Variants in MYO1B observed in about 807,000 individuals in gnomAD.
The protein encoded by MYO1B is unconventional myosin-Ib.
MYO1B carries 72 observed loss-of-function variants against 159.7 expected under a neutral mutation model. The ratio of observed to expected loss-of-function variants is 0.45; its 90% CI spans 0.37 to 0.55. MYO1B has a LOEUF of 0.55. Among genes scored for constraint, MYO1B ranks in the 20% least tolerant of loss-of-function variants. MYO1B has a pLI of 0.00. For missense variants in MYO1B, 1,062 were observed against 1,364.8 expected (o/e 0.78, Z 3.50); for synonymous variants, 468 against 473.8 (o/e 0.99, Z 0.16).
chr2:191,286,341 TAAA>T, intron 2 of MYO1B, among the ~76,000 whole-genome samples: 1 of 142,980 alleles, frequency 7.0e-6, no homozygotes, highest in Non-Finnish European at 1.5e-5. Context: ...ACTGTGTCTT[TAAA>T]AAAAAAAAAA....
chr2:191,421,866 C>G (rs758538937), intron 30 of MYO1B, among the ~76,000 whole-genome samples: 41 of 152,162 alleles, frequency 2.7e-4, no homozygotes, highest in Admixed American at 1.4e-3. Flanking sequence ...TTTTGAGACA[C>G]ATACATACAA....
At chr2:191,266,813 C>G (rs769513486) in intron 1 of MYO1B, among the ~76,000 whole-genome samples, 1 of 152,192 alleles carries the variant, frequency 6.6e-6, no homozygotes, top group Non-Finnish European at 1.5e-5. Context: ...GTTGTTATAG[C>G]AGCCGCTGTT....
At chr2:191,414,820 T>G (rs2126179024) in intron 29 of MYO1B, 151 bp downstream of exon 29, 1 of 706,254 alleles carries the variant, frequency 1.4e-6, no homozygotes. Context: ...TCCGACTCAG[T>G]TTTTCAGTAA....
intron 1 of MYO1B, chr2:191,263,067 CCTG>C (rs1686921308): frequency 6.6e-6 from 1 of 152,084 alleles, no homozygotes; most frequent in Non-Finnish European, 1.5e-5. Flanking sequence ...TCTTTCATTG[CCTG>C]CTAAGTACTG....
rs550735341 is a variant in MYO1B at position 191,354,143 on chromosome 2, C to T, written c.562+3918C>T. ...TGGTGGCACACACCTGTAATCCCAG[C>T]CACTCGGGAGGCTGAGGCAGTAGGA... On this transcript the variant is annotated intron_variant, in intron 7 of 30. Coordinates refer to ENST00000392318, the MANE Select transcript of MYO1B (RefSeq NM_001130158.3). Among the ~76,000 whole-genome samples the T allele has an allele frequency of 3.9e-5, 6 of 152,108 alleles. No individual in the cohort carries two copies. The South Asian group carries it at 1.2e-3, about 32-fold the overall frequency.
At chr2:191,395,623 C>A (rs534785833) in intron 20 of MYO1B, among the ~76,000 whole-genome samples, 1 of 152,374 alleles carries the variant, frequency 6.6e-6, no homozygotes, top group South Asian at 2.1e-4. Flanking sequence ...TTCCAGCAGC[C>A]TCCACTCCAG....
intron 30 of MYO1B, 83 bp downstream of exon 30, chr2:191,416,325 C>A: frequency 6.7e-7 from 1 of 1,495,060 alleles, no homozygotes; most frequent in Non-Finnish European, 9.3e-7. Context: ...TTCATTAATA[C>A]AACTACTTAT....
chr2:191,362,289 A>G lies in MYO1B; in HGVS notation c.683A>G (p.Asp228Gly), dbSNP rs1693719252. ...ATAGATAAACTTAAGCTTGAGAGGG[A>G]TTTCAGCAGGTATAACTACCTGAGT... ...ELLNKLKLERDFSRYNYLSLD... is the reference protein window; with the variant it reads ...ELLNKLKLERGFSRYNYLSLD... Residue 228 changes from aspartate to glycine, a missense_variant, in exon 9 of 31, where the codon GAT becomes GGT. By Grantham distance (94) the Asp-to-Gly change is moderately conservative. Transcript: ENST00000392318. The G allele has an allele frequency of 6.2e-7, 1 of 1,613,620 alleles. No homozygotes were observed. Among genetic ancestry groups the G allele is most frequent in the Non-Finnish European group, 8.5e-7 (1 of 1,179,768 alleles).
chr2:191,267,295 T>G (rs1687201408), intron 1 of MYO1B, among the ~76,000 whole-genome samples: 1 of 152,208 alleles, frequency 6.6e-6, no homozygotes, highest in African/African-American at 2.4e-5. Flanking sequence ...TCATGTCCTT[T>G]GTATTAGCCA....
At chr2:191,392,059 C>T in intron 18 of MYO1B, 49 bp from the exon 19 acceptor site, 1 of 1,414,194 alleles carries the variant, frequency 7.1e-7, no homozygotes, top group Non-Finnish European at 9.8e-7. Flanking sequence ...GAAGATAAAA[C>T]TATTTTTGTA....
chr2:191,412,253 TA>T (rs1697293396), intron 27 of MYO1B, among the ~76,000 whole-genome samples: 1 of 152,262 alleles, frequency 6.6e-6, no homozygotes, highest in African/African-American at 2.4e-5. Flanking sequence ...CTTCAGCAAC[TA>T]ATTTTATTCA....
At chr2:191,270,570 C>G (rs1478880058) in intron 1 of MYO1B, among the ~76,000 whole-genome samples, 2 of 152,148 alleles carry the variant, frequency 1.3e-5, no homozygotes, top group African/African-American at 4.8e-5. Context: ...AATCTAACCC[C>G]TCTCAGAGAG....
chr2:191,265,067 A>G (rs991924305), intron 1 of MYO1B, among the ~76,000 whole-genome samples: 3 of 152,102 alleles, frequency 2.0e-5, no homozygotes, highest in African/African-American at 7.2e-5. Flanking sequence ...CAGAATGCCA[A>G]AGCTGTTGTT....
intron 28 of MYO1B, 95 bp from the exon 29 acceptor site, chr2:191,414,422 G>T (rs1697437845): frequency 5.0e-6 from 6 of 1,193,682 alleles, no homozygotes; most frequent in Non-Finnish European, 6.9e-6. Flanking sequence ...TTTGTTGAAG[G>T]ATATTGGAAT....
At chr2:191,356,669 C>T (rs747219800) in intron 7 of MYO1B, among the ~76,000 whole-genome samples, 13 of 151,982 alleles carry the variant, frequency 8.6e-5, no homozygotes, top group Admixed American at 3.9e-4. Flanking sequence ...TTTATTCATT[C>T]GTTAATTGGT....
chr2:191,355,256 C>T (rs1253843605), intron 7 of MYO1B, among the ~76,000 whole-genome samples: 1 of 152,214 alleles, frequency 6.6e-6, no homozygotes, highest in Non-Finnish European at 1.5e-5. Flanking sequence ...TGAGCAAGCC[C>T]AGCAGAGATG....
chr2:191,255,730 A>G (rs1316751700), intron 1 of MYO1B, among the ~76,000 whole-genome samples: 1 of 152,230 alleles, frequency 6.6e-6, no homozygotes, highest in African/African-American at 2.4e-5. Flanking sequence ...GGCTAGATTC[A>G]GAGAGCTGCC....
At position 191,390,288 on chromosome 2, in the gene MYO1B, T is replaced by C. The variant is rs758903197; in HGVS notation, c.1782-4T>C. 2 of 1,610,752 alleles carry C rather than the reference T, an allele frequency of 1.2e-6. No individual in the cohort carries two copies. Among genetic ancestry groups the C allele is most frequent in the African/African-American group, 1.3e-5 (1 of 74,826 alleles). On this transcript the variant is annotated splice_polypyrimidine_tract_variant and splice_region_variant and intron_variant, in intron 17 of 30. Coordinates refer to ENST00000392318, the MANE Select transcript of MYO1B (RefSeq NM_001130158.3). ...TATAACCTAAAATCTTTGTGATCTT[T>C]AAGGTGTATCAAACCGAATGATAAA...
At chr2:191,295,090 CT>C (rs928373926) in intron 2 of MYO1B, among the ~76,000 whole-genome samples, 1 of 151,896 alleles carries the variant, frequency 6.6e-6, no homozygotes, top group Admixed American at 6.6e-5. Context: ...CTTTATGAAC[CT>C]TTTTCTTTTT....
Sources: allele counts gnomAD v4.1 joint callset (sites outside exome capture counted in the v4.1 genomes callset), GRCh38; gene constraint gnomAD v4.1.1; transcripts MANE v1.5; gene names NCBI Gene and HGNC (gene_info 2026-07-23, HGNC 2026-07-21).